Variants in SUGP1 observed in about 807,000 individuals in gnomAD.
SUGP1 encodes the protein SURP and G-patch domain containing 1.
A neutral mutation model predicts 76.5 loss-of-function variants in SUGP1; 34 were observed. The ratio of observed to expected loss-of-function variants is 0.44; its 90% CI spans 0.34 to 0.59. The LOEUF is 0.59. Ranked by LOEUF, SUGP1 falls within the 20% of genes least tolerant of loss-of-function variation. SUGP1 has a pLI of 0.01. For missense variants in SUGP1, 752 were observed against 851.7 expected (o/e 0.88, Z 1.46); for synonymous variants, 326 against 326.2 (o/e 1.00, Z 0.01).
chr19:19,309,822 G>A (rs1599869105), intron 3 of SUGP1, among the ~76,000 whole-genome samples: 1 of 152,236 alleles, frequency 6.6e-6, no homozygotes, highest in East Asian at 1.9e-4. Flanking sequence ...TGAGGCAGGA[G>A]AATGGGGTGA....
chr19:19,303,571 G>A (rs2061290000), intron 5 of SUGP1, 123 bp from the exon 6 acceptor site: 8 of 1,332,346 alleles, frequency 6.0e-6, no homozygotes, highest in Middle Eastern at 1.8e-4. Flanking sequence ...GCAAGTCTCC[G>A]TGCCACATGG....
chr19:19,298,866 G>A (rs2061249482), intron 7 of SUGP1, among the ~76,000 whole-genome samples: 1 of 152,130 alleles, frequency 6.6e-6, no homozygotes, highest in African/African-American at 2.4e-5. Flanking sequence ...CTCAGCTGGT[G>A]CTTCACCCTG....
chr19:19,283,836 T>C (rs140615189), intron 8 of SUGP1, among the ~76,000 whole-genome samples: 275 of 152,188 alleles, frequency 1.8e-3, no homozygotes, highest in Middle Eastern at 6.8e-3. Flanking sequence ...CTGCCCGCCT[T>C]GGCCTCCCAA....
intron 3 of SUGP1, among the ~76,000 whole-genome samples, chr19:19,309,838 G>C (rs1213212249): frequency 1.3e-5 from 2 of 152,236 alleles, no homozygotes; most frequent in African/African-American, 4.8e-5. Flanking sequence ...GGTGAACCCG[G>C]GAGGCGGAGC....
Position 19,306,195 on chromosome 19 carries a change from G to A in SUGP1, c.311-119C>T, listed in dbSNP as rs1197033616. The stretch of plus-strand genomic sequence containing the variant: ...TGGGTCCTTGACTTCCAGAACTCAG[G>A]GGCTCAGAGGAGGCCACCCTGATTT... On this transcript the variant is annotated intron_variant, in intron 3 of 13. Transcript: ENST00000247001. The A allele has an allele frequency of 3.3e-5, 33 of 990,452 alleles. No individual in the cohort carries two copies. In the East Asian group the frequency reaches 8.4e-4, roughly 25 times the overall value. 61.4% of individuals were successfully genotyped at this position (990,452 alleles called of 1,614,324 possible).
intron 3 of SUGP1, 94 bp from the exon 4 acceptor site, chr19:19,306,170 T>C (rs2061316707): frequency 3.9e-6 from 5 of 1,267,438 alleles, no homozygotes; most frequent in Non-Finnish European, 3.2e-6. Flanking sequence ...CCGGGGGAGC[T>C]GGGTCCTTGA....
At chr19:19,302,079 C>T in intron 7 of SUGP1, 186 bp downstream of exon 7, 1 of 864,524 alleles carries the variant, frequency 1.2e-6, no homozygotes, top group Non-Finnish European at 1.8e-6. Flanking sequence ...CCCAGGGGTG[C>T]TGGTGTGTGC....
At chr19:19,297,425 T>TTCTGGGCAGGAGCAGTTCTGGCCA in intron 7 of SUGP1, 81 bp from the exon 8 acceptor site, 5 of 1,175,990 alleles carry the variant, frequency 4.3e-6, no homozygotes, top group Non-Finnish European at 5.9e-6. Flanking sequence ...AGTTCTGGCC[T>TTCTGGGCAGGAGCAGTTCTGGCCA]TGTGTGCCCA....
chr19:19,297,432 CCCACGT>C, intron 7 of SUGP1, 88 bp from the exon 8 acceptor site: 374 of 1,077,482 alleles, frequency 3.5e-4, no homozygotes, highest in Non-Finnish European at 4.5e-4. Context: ...GCCTTGTGTG[CCCACGT>C]TGGCCAGGGT....
chr19:19,280,191 C>T lies in SUGP1; in HGVS notation c.1344G>A (p.Gln448=). 6.2e-7 allele frequency: 1 copy of T among 1,613,858 alleles called. No homozygotes were observed. Among genetic ancestry groups the T allele is most frequent in the South Asian group, 1.1e-5 (1 of 91,084 alleles). ...CTTGTCCCCGCAGTCTTACCTCCTG[C>T]TGCTCCTTCAGCTGCTTCTTCTGGG... ...SDAQKKQLKE[Q]QEMQQMYDMI... The change falls in exon 9 of 14, where the codon CAG becomes CAA. Residue 448 remains glutamine (Q), a synonymous_variant. Transcript: ENST00000247001.
intron 12 of SUGP1, 104 bp downstream of exon 12, chr19:19,277,629 GC>G (rs2061064030): frequency 4.2e-6 from 6 of 1,420,108 alleles, no homozygotes; most frequent in Non-Finnish European, 5.7e-6. Context: ...TGATCATTTT[GC>G]CACAAGGGAA....
intron 8 of SUGP1, 53 bp from the exon 9 acceptor site, chr19:19,280,344 C>T (rs1245457621): frequency 3.3e-6 from 5 of 1,499,868 alleles, no homozygotes; most frequent in Admixed American, 1.7e-5. Context: ...ACCCCGATCT[C>T]GCTCCTGCGC....
rs567819859 is a variant in SUGP1, at chr19:19,310,100, T to G, written c.307A>C (p.Thr103Pro). ...GAAAGGGGAGGCCTACACTCACCTG[T>G]GCTGGTCTGTGCCTTCTGCAACTTC... ...FLKLQKAQTS[T>P]DAPTSAPSAP... The change falls in exon 3 of 14, where the codon ACA becomes CCA. Residue 103 changes from threonine to proline, a missense_variant. Coordinates refer to ENST00000247001, the MANE Select transcript of SUGP1 (RefSeq NM_172231.4). 1 of 1,613,066 alleles carries G rather than the reference T, an allele frequency of 6.2e-7. No individual in the cohort carries two copies. Among genetic ancestry groups the G allele is most frequent in the South Asian group, 1.1e-5 (1 of 91,054 alleles).
intron 1 of SUGP1, among the ~76,000 whole-genome samples, chr19:19,319,244 TA>T (rs2061418925): frequency 6.6e-6 from 1 of 151,754 alleles, no homozygotes; most frequent in African/African-American, 2.4e-5. Flanking sequence ...AAAAGAATTC[TA>T]AAAGGCCATT....
chr19:19,308,919 T>C (rs1369241188), intron 3 of SUGP1, among the ~76,000 whole-genome samples: 1 of 151,488 alleles, frequency 6.6e-6, no homozygotes, highest in Non-Finnish European at 1.5e-5. Context: ...CAGGCTGGAG[T>C]GCAATGGCAT....
Position 19,276,530 on chromosome 19 carries a change from G to T in SUGP1, c.*118C>A. ...GGCATCTGTGGTGGATGAGCACTGG[G>T]ACTTTATTACACGGCACGGCACTCG... On this transcript the variant is annotated 3_prime_UTR_variant, in exon 14 of 14. Coordinates refer to ENST00000247001, the MANE Select transcript of SUGP1 (RefSeq NM_172231.4). 1 of 1,266,722 alleles carries T rather than the reference G, an allele frequency of 7.9e-7. No individual in the cohort carries two copies. The highest frequency in any genetic ancestry group is 1.1e-6 in the Non-Finnish European group (1 of 882,816). The allele number at this position is 1,266,722 out of a possible 1,614,324, so 78.5% of individuals were successfully genotyped here.
chr19:19,314,227 G>C (rs1365483082), intron 2 of SUGP1, among the ~76,000 whole-genome samples: 75 of 152,050 alleles, frequency 4.9e-4, no homozygotes, highest in Non-Finnish European at 1.2e-4. Context: ...GAGAGGCTGA[G>C]CAGGAGAATC....
At chr19:19,284,342 G>GA (rs2061123011) in intron 8 of SUGP1, among the ~76,000 whole-genome samples, 1 of 151,972 alleles carries the variant, frequency 6.6e-6, no homozygotes, top group African/African-American at 2.4e-5. Context: ...AAGAAGCAGA[G>GA]AAAAGTCAAG....
At chr19:19,308,325 G>A (rs755874388) in intron 3 of SUGP1, among the ~76,000 whole-genome samples, 3 of 152,164 alleles carry the variant, frequency 2.0e-5, no homozygotes, top group African/African-American at 4.8e-5. Flanking sequence ...ATAAGCCACC[G>A]CACCCAGCCG....
Sources: gnomAD v4.1 joint callset for allele counts (sites outside exome capture counted in the v4.1 genomes callset) on GRCh38, gnomAD v4.1.1 for gene constraint, MANE v1.5 for transcripts, NCBI Gene and HGNC (gene_info 2026-07-23, HGNC 2026-07-21) for gene names.